Variants in CCDC6 observed in about 807,000 individuals in gnomAD.
CCDC6 encodes coiled-coil domain containing 6, also known as coiled-coil domain-containing protein 6.
In CCDC6, 20 loss-of-function variants were observed where a neutral mutation model predicts 56.6. That is an observed-to-expected ratio of 0.35 (90% confidence interval 0.25 to 0.51). The LOEUF is 0.51. CCDC6 is among the 20% of genes least tolerant of loss of function. CCDC6 has a pLI of 0.95. For missense variants in CCDC6, 367 were observed against 601.1 expected, an observed-to-expected ratio of 0.61 and a Z score of 4.07; for synonymous variants, 241 against 234.4, an observed-to-expected ratio of 1.03 and a Z score of -0.26.
chr10:59,861,263 T>C (rs926250310), intron 1 of CCDC6, among the ~76,000 whole-genome samples: 1 of 151,988 alleles, frequency 6.6e-6, no homozygotes, highest in African/African-American at 2.4e-5. Context: ...CAGGCTGAGA[T>C]GGAAGGATCA....
intron 2 of CCDC6, among the ~76,000 whole-genome samples, chr10:59,842,749 AATT>A (rs2070951030): frequency 7.5e-6 from 1 of 133,624 alleles, no homozygotes. Context: ...TATGGAAGAC[AATT>A]TTTTTTTTTT....
chr10:59,883,028 A>G (rs947586212), intron 1 of CCDC6, among the ~76,000 whole-genome samples: 11 of 83,590 alleles, frequency 1.3e-4, no homozygotes, highest in African/African-American at 7.3e-4. Context: ...ACTTTAACTG[A>G]AAAAAAAAGG....
At chr10:59,849,827 A>G (rs2071022962) in intron 2 of CCDC6, among the ~76,000 whole-genome samples, 1 of 152,188 alleles carries the variant, frequency 6.6e-6, no homozygotes, top group South Asian at 2.1e-4. Context: ...GAAAAAGTCT[A>G]TTGGTATCAA....
chr10:59,796,303 C>T (rs570242184), intron 7 of CCDC6, among the ~76,000 whole-genome samples: 11 of 126,244 alleles, frequency 8.7e-5, no homozygotes, highest in Admixed American at 3.0e-4. Flanking sequence ...TCATGTCCTT[C>T]GCCCACTTTT....
At chr10:59,905,382 C>T (rs1450243096) in intron 1 of CCDC6, among the ~76,000 whole-genome samples, 2 of 152,188 alleles carry the variant, frequency 1.3e-5, no homozygotes, top group Non-Finnish European at 2.9e-5. Flanking sequence ...GAAGCAAACA[C>T]ACGTACCTCT....
intron 7 of CCDC6, among the ~76,000 whole-genome samples, chr10:59,802,599 G>C (rs1366103485): frequency 6.6e-6 from 1 of 152,038 alleles, no homozygotes; most frequent in Non-Finnish European, 1.5e-5. Context: ...TTCTCATTTA[G>C]GCTAGCTGTA....
At chr10:59,858,237 T>C in intron 1 of CCDC6, among the ~76,000 whole-genome samples, 1 of 152,196 alleles carries the variant, frequency 6.6e-6, no homozygotes, top group East Asian at 1.9e-4. Flanking sequence ...AGAATTACAA[T>C]TCTCCATTTA....
rs373504855 is a variant in CCDC6, at chr10:59,799,213, T to C, written c.1106-4616A>G. ...TGGGAGGCTGAAGCGGGTGGATCAC[T>C]TGAGGTCGGGAATTCAAGACCAGCC... On this transcript the variant is annotated intron_variant, in intron 7 of 8. Coordinates refer to ENST00000263102, the MANE Select transcript of CCDC6 (RefSeq NM_005436.5). 2.6e-5 allele frequency among the ~76,000 whole-genome samples: 4 copies of C among 151,054 alleles called. No individual in the cohort carries two copies. In the East Asian group the frequency reaches 5.9e-4, roughly 22 times the overall value.
chr10:59,863,574 A>C (rs1399742609), intron 1 of CCDC6, among the ~76,000 whole-genome samples: 1 of 152,150 alleles, frequency 6.6e-6, no homozygotes, highest in East Asian at 1.9e-4. Flanking sequence ...GGTGGTGGGG[A>C]GAGGGATAGT....
intron 1 of CCDC6, among the ~76,000 whole-genome samples, chr10:59,853,066 TG>T (rs11297660): frequency 0.53 from 81,335 of 152,092 alleles, 23,797 homozygotes; most frequent in African/African-American, 0.78. Flanking sequence ...TCCTGTGCTA[TG>T]GTACATCAAT....
At chr10:59,863,910 T>C (rs1346380854) in intron 1 of CCDC6, among the ~76,000 whole-genome samples, 1 of 152,222 alleles carries the variant, frequency 6.6e-6, no homozygotes, top group Non-Finnish European at 1.5e-5. Flanking sequence ...CACTTTGATA[T>C]ATCTAGAAAA....
chr10:59,890,512 T>C (rs2071414009), intron 1 of CCDC6, among the ~76,000 whole-genome samples: 1 of 152,058 alleles, frequency 6.6e-6, no homozygotes, highest in Admixed American at 6.5e-5. Flanking sequence ...TCTATAATCA[T>C]TGAATTGAGA....
intron 1 of CCDC6, among the ~76,000 whole-genome samples, chr10:59,882,601 A>AAAGCCAGGGAG (rs1413789571): frequency 4.1e-4 from 15 of 36,818 alleles, no homozygotes; most frequent in South Asian, 1.1e-3. Flanking sequence ...GGGGAGAAGG[A>AAAGCCAGGGAG]AAGGAAAGCC....
At chr10:59,798,015 G>A (rs949108895) in intron 7 of CCDC6, among the ~76,000 whole-genome samples, 3 of 152,172 alleles carry the variant, frequency 2.0e-5, no homozygotes, top group Non-Finnish European at 2.9e-5. Flanking sequence ...TGCTCGTCAA[G>A]AGTCAGTGCA....
chr10:59,859,190 ATGTGTGTGCG>A (rs1416959701), intron 1 of CCDC6, among the ~76,000 whole-genome samples: 1 of 83,988 alleles, frequency 1.2e-5, no homozygotes, highest in South Asian at 4.3e-4. Flanking sequence ...AAAAAAATAC[ATGTGTGTGCG>A]TGTGTGTGTG....
Position 59,876,871 on chromosome 10 carries a change from A to G in CCDC6, c.304-24169T>C, listed in dbSNP as rs564022181. On this transcript the variant is annotated intron_variant, in intron 1 of 8. Coordinates refer to ENST00000263102, the MANE Select transcript of CCDC6 (RefSeq NM_005436.5). ...TTAATGACAGGTTATGTTATGAGACATGCATTGTTAGGTGATTTCATCATT... is the reference window on the plus strand; with the variant it reads ...TTAATGACAGGTTATGTTATGAGACGTGCATTGTTAGGTGATTTCATCATT... 3.9e-5 allele frequency among the ~76,000 whole-genome samples: 6 copies of G among 152,280 alleles called. No homozygotes were observed. The East Asian group carries it at 1.2e-3, about 29-fold the overall frequency.
At chr10:59,903,461 A>T (rs1461754730) in intron 1 of CCDC6, among the ~76,000 whole-genome samples, 1 of 152,204 alleles carries the variant, frequency 6.6e-6, no homozygotes, top group Non-Finnish European at 1.5e-5. Flanking sequence ...CTAAAAAAAT[A>T]AAGTCTATTA....
chr10:59,838,986 T>C (rs1419671895), intron 2 of CCDC6, among the ~76,000 whole-genome samples: 1 of 152,234 alleles, frequency 6.6e-6, no homozygotes, highest in Non-Finnish European at 1.5e-5. Context: ...CATTTCATGA[T>C]GTGTTTCTGT....
At chr10:59,848,672 T>G (rs2071014144) in intron 2 of CCDC6, among the ~76,000 whole-genome samples, 1 of 152,188 alleles carries the variant, frequency 6.6e-6, no homozygotes, top group African/African-American at 2.4e-5. Flanking sequence ...AAAGACACAG[T>G]TTCTAAGAAC....
Sources: gnomAD v4.1 joint callset for allele counts (sites outside exome capture counted in the v4.1 genomes callset) on GRCh38, gnomAD v4.1.1 for gene constraint, MANE v1.5 for transcripts, NCBI Gene and HGNC (gene_info 2026-07-23, HGNC 2026-07-21) for gene names.